The following NOD2 variants were observed in gnomAD, a reference collection of about 807,000 sequenced individuals.
NOD2 encodes nucleotide-binding oligomerization domain-containing protein 2.
In NOD2, 86 loss-of-function variants were observed where a neutral mutation model predicts 90.9. That is an observed-to-expected ratio of 0.95 (90% CI 0.79 to 1.13). The LOEUF (loss-of-function observed/expected upper bound fraction) is 1.13. NOD2 is among the 50% of genes most tolerant of loss of function. NOD2 has a pLI of 0.00. For missense variants in NOD2, 1,238 were observed against 1,283.8 expected, an observed-to-expected ratio of 0.96 and a Z score of 0.55; for synonymous variants, 581 against 554.6, an observed-to-expected ratio of 1.05 and a Z score of -0.67.
At chr16:50,714,788 T>A (rs1053192686) in intron 4 of NOD2, among the ~76,000 whole-genome samples, 3 of 152,102 alleles carry the variant, frequency 2.0e-5, no homozygotes, top group African/African-American at 7.2e-5. Context: ...AAACCCTATA[T>A]ACACAGTGCC....
At chr16:50,706,588 G>A (rs1184954754) in intron 2 of NOD2, among the ~76,000 whole-genome samples, 1 of 152,128 alleles carries the variant, frequency 6.6e-6, no homozygotes, top group Non-Finnish European at 1.5e-5. Flanking sequence ...TGGCATTTGA[G>A]CACTAGAGAC....
chr16:50,716,912 T>A lies in NOD2; in HGVS notation c.2487T>A (p.Thr829=). 6.2e-7 allele frequency: 1 copy of A among 1,614,274 alleles called. No homozygotes were observed. The highest frequency in any genetic ancestry group is 8.5e-7 in the Non-Finnish European group (1 of 1,180,042). The change falls in exon 6 of 12, where the codon ACT becomes ACA. Residue 829 remains threonine, a synonymous_variant. Transcript: ENST00000647318. ...QKLALFNNKL[T]DGCAHSMAKL... is the part of the protein sequence containing the mutation. The stretch of plus-strand genomic sequence containing the variant: ...ACAGTCTATTCAACAACAAATTGAC[T>A]GACGGCTGTGCACACTCCATGGCTA...
At chr16:50,719,848 C>G in intron 6 of NOD2, 77 bp from the exon 7 acceptor site, 1 of 1,343,214 alleles carries the variant, frequency 7.4e-7, no homozygotes, top group South Asian at 1.2e-5. Context: ...TCCTGTGTTT[C>G]CCTGGCCAGG....
intron 4 of NOD2, among the ~76,000 whole-genome samples, chr16:50,714,989 TG>T (rs2150820702): frequency 6.6e-6 from 1 of 152,340 alleles, no homozygotes; most frequent in East Asian, 1.9e-4. Context: ...TCTTCTGTTC[TG>T]TTCTATTTCC....
intron 11 of NOD2, among the ~76,000 whole-genome samples, chr16:50,730,218 T>C (rs1965407652): frequency 6.6e-6 from 1 of 152,182 alleles, no homozygotes; most frequent in South Asian, 2.1e-4. Flanking sequence ...CTCCTAGAAA[T>C]TGCATCTGCC....
chr16:50,716,521 G>A (rs1964799902), intron 4 of NOD2, 66 bp from the exon 5 acceptor site: 1 of 1,425,726 alleles, frequency 7.0e-7, no homozygotes, highest in African/African-American at 1.4e-5. Context: ...TCTTTTTGGG[G>A]GATTTGTAGA....
intron 7 of NOD2, among the ~76,000 whole-genome samples, chr16:50,721,651 C>T (rs1220400322): frequency 1.3e-5 from 2 of 152,014 alleles, no homozygotes; most frequent in East Asian, 3.9e-4. Context: ...AGCCACCATG[C>T]CTGGCCGATA....
At chr16:50,729,533 C>T (rs1659466617) in intron 10 of NOD2, among the ~76,000 whole-genome samples, 1 of 152,098 alleles carries the variant, frequency 6.6e-6, no homozygotes, top group Non-Finnish European at 1.5e-5. Flanking sequence ...GGATTTAAAC[C>T]CAGGATGTCT....
intron 4 of NOD2, among the ~76,000 whole-genome samples, chr16:50,714,624 G>GTGTGTGTGTGTGTGTGTGTGTGTT (rs1964697657): frequency 6.6e-6 from 1 of 151,716 alleles, no homozygotes; most frequent in African/African-American, 2.4e-5. Flanking sequence ...GTGTGTGTGT[G>GTGTGTGTGTGTGTGTGTGTGTGTT]TGTGTGTGTG....
chr16:50,726,393 C>T (rs1211436827), intron 10 of NOD2, among the ~76,000 whole-genome samples: 2 of 152,234 alleles, frequency 1.3e-5, no homozygotes. Context: ...CTGTGAGTGC[C>T]AGCTTTGCTG....
intron 1 of NOD2, 139 bp from the exon 2 acceptor site, chr16:50,699,349 G>A: frequency 1.4e-6 from 1 of 712,030 alleles, no homozygotes; most frequent in South Asian, 1.6e-5. Flanking sequence ...ATATGGTGGG[G>A]AGCTTGGATT....
chr16:50,696,577 C>G (rs1163858929), intron 1 of NOD2: 1 of 152,362 alleles, frequency 6.6e-6, no homozygotes, highest in African/African-American at 2.4e-5. Context: ...TAAACTGAAG[C>G]AGGAGAAACT....
chr16:50,715,239 C>G (rs1399011275), intron 4 of NOD2, among the ~76,000 whole-genome samples: 1 of 152,110 alleles, frequency 6.6e-6, no homozygotes, highest in Non-Finnish European at 1.5e-5. Context: ...CACGAATGCT[C>G]ATAATAATGG....
rs766687492 is a variant in NOD2, at chr16:50,711,986, A to G, written c.1994A>G (p.Glu665Gly). The stretch of plus-strand genomic sequence containing the variant: ...CGGGAGCACTGGGGCCTGCTGGCTG[A>G]GTGCCAGACATCTGAGAAGGCCCTG... ...LSREHWGLLA[E>G]CQTSEKALLR... The change falls in exon 4 of 12, where the codon GAG becomes GGG. Residue 665 changes from glutamate to glycine, a missense_variant. By Grantham distance (98) the Glu-to-Gly change is moderately conservative. Coordinates refer to ENST00000647318, the MANE Select transcript of NOD2 (RefSeq NM_001370466.1). 4.3e-6 allele frequency: 7 copies of G among 1,613,350 alleles called. No homozygotes were observed. The Admixed American group carries it at 1.2e-4, about 27-fold the overall frequency.
intron 2 of NOD2, among the ~76,000 whole-genome samples, chr16:50,700,713 C>T (rs1963903256): frequency 6.6e-6 from 1 of 152,202 alleles, no homozygotes; most frequent in South Asian, 2.1e-4. Context: ...ATGAGTGATA[C>T]TCTGTACTTG....
chr16:50,697,455 G>T (rs1006836408), intron 1 of NOD2: 26 of 869,162 alleles, frequency 3.0e-5, no homozygotes, highest in Admixed American at 2.0e-4. Flanking sequence ...AGAATGGGTC[G>T]GCGGGTTTTT....
chr16:50,701,292 G>C (rs1012807108), intron 2 of NOD2, among the ~76,000 whole-genome samples: 6 of 152,244 alleles, frequency 3.9e-5, no homozygotes, highest in Admixed American at 3.3e-4. Context: ...GTTACTGAAT[G>C]AATGATTGAA....
intron 1 of NOD2, among the ~76,000 whole-genome samples, chr16:50,696,156 C>T (rs1037224923): frequency 6.6e-6 from 1 of 152,186 alleles, no homozygotes; most frequent in East Asian, 1.9e-4. Context: ...TGGGCTTCCC[C>T]TCCTCTCCTG....
chr16:50,710,695 G>T lies in NOD2; in HGVS notation c.703G>T (p.Asp235Tyr). 1.9e-6 allele frequency: 3 copies of T among 1,613,972 alleles called. No individual in the cohort carries two copies. The highest frequency in any genetic ancestry group is 2.5e-6 in the Non-Finnish European group (3 of 1,179,856). ...AGAGAATGTCCTGGAGGTCTGGGCA[G>T]ATGTGGGCATGGCTGGACCCCCGCA... ...YTENVLEVWA[D>Y]VGMAGPPQKS... is the part of the protein sequence containing the mutation. The change falls in exon 4 of 12, where the codon GAT becomes TAT. Residue 235 changes from aspartate to tyrosine, a missense_variant. This residue lies in a region of NOD2 where 567 missense variants were observed against 577.3 expected (regional missense o/e 0.98). Transcript: ENST00000647318.
Sources: allele counts gnomAD v4.1 joint callset (sites outside exome capture counted in the v4.1 genomes callset), GRCh38; gene constraint gnomAD v4.1.1; regional missense constraint gnomAD v4.1.1; transcripts MANE v1.5; gene names NCBI Gene and HGNC (gene_info 2026-07-23, HGNC 2026-07-21).